ANKRD44: variants seen among roughly 807,000 people sequenced by gnomAD.
The protein encoded by ANKRD44 is serine/threonine-protein phosphatase 6 regulatory ankyrin repeat subunit B.
In ANKRD44, 35 loss-of-function variants were observed where a neutral mutation model predicts 116.0. That is an observed-to-expected ratio of 0.30 (90% CI 0.23 to 0.40). ANKRD44 has a LOEUF of 0.40. ANKRD44 is among the 10% of genes least tolerant of loss of function. The probability of loss-of-function intolerance (pLI) is 1.00; values close to 1 mark genes in which losing one functional copy is unlikely to be tolerated. For synonymous variants in ANKRD44, 435 were observed against 461.8 expected, an observed-to-expected ratio of 0.94 and a Z score of 0.74; for missense variants, 1,014 against 1,242.6, an observed-to-expected ratio of 0.82 and a Z score of 2.77.
At position 197,125,213 on chromosome 2, in the gene ANKRD44, G is replaced by A. The variant is rs118127710; in HGVS notation, c.550+168C>T. Among the ~76,000 whole-genome samples, 442 of 152,270 alleles carry A rather than the reference G, an allele frequency of 2.9e-3. 1 individual carries two copies. The highest frequency in any genetic ancestry group is 0.017 in the East Asian group (89 of 5,188). On this transcript the variant is annotated intron_variant, in intron 6 of 27. Transcript: ENST00000282272. ...TAAATATCTGACAAAGCAACTGCCCGACTGGAGTGCACTATGCATGCCAGT... is the reference window on the plus strand; with the variant it reads ...TAAATATCTGACAAAGCAACTGCCCAACTGGAGTGCACTATGCATGCCAGT...
intron 19 of ANKRD44, 76 bp downstream of exon 19, chr2:197,008,868 G>T: frequency 7.7e-7 from 1 of 1,295,968 alleles, no homozygotes; most frequent in Non-Finnish European, 1.1e-6. Context: ...AGTCAGCCTT[G>T]TAATGATTTA....
intron 1 of ANKRD44, among the ~76,000 whole-genome samples, chr2:197,252,565 C>A (rs957177218): frequency 2.0e-5 from 3 of 152,130 alleles, no homozygotes; most frequent in African/African-American, 7.2e-5. Context: ...CGCCACCACG[C>A]CCGGCTAATT....
At position 197,235,712 on chromosome 2, in the gene ANKRD44, T is replaced by C. The variant is rs576915542; in HGVS notation, c.28-48606A>G. ...ATATATAAATAATACAATACAAATATTATACAATACAAATAATACAATACA... is the reference window on the plus strand; with the variant it reads ...ATATATAAATAATACAATACAAATACTATACAATACAAATAATACAATACA... On this transcript the variant is annotated intron_variant, in intron 1 of 27. Coordinates refer to ENST00000282272, the MANE Select transcript of ANKRD44 (RefSeq NM_001195144.2). 2.6e-5 allele frequency among the ~76,000 whole-genome samples: 4 copies of C among 151,204 alleles called. No individual in the cohort carries two copies. The South Asian group carries it at 8.3e-4, about 32-fold the overall frequency.
intron 16 of ANKRD44, chr2:197,029,018 T>C (rs1367291687): frequency 1.3e-5 from 2 of 157,510 alleles, no homozygotes; most frequent in East Asian, 1.8e-4. Context: ...CTAGGGTACA[T>C]GTGCACAACG....
At chr2:197,123,232 G>A (rs576579019) in intron 6 of ANKRD44, among the ~76,000 whole-genome samples, 25 of 152,176 alleles carry the variant, frequency 1.6e-4, no homozygotes, top group African/African-American at 5.3e-4. Context: ...TAATGAGAAT[G>A]ACCCCAGATT....
chr2:197,175,641 C>T lies in ANKRD44; in HGVS notation c.111+11382G>A, dbSNP rs2080346541. ...TGCTCAAAGCAGAAAAAAGTTGCAG[C>T]AATGTGATTCCTTCAATGCTTTTTG... On this transcript the variant is annotated intron_variant, in intron 2 of 27. Coordinates refer to ENST00000282272, the MANE Select transcript of ANKRD44 (RefSeq NM_001195144.2). Among the ~76,000 whole-genome samples, 3 of 152,246 alleles carry T rather than the reference C, an allele frequency of 2.0e-5. No individual in the cohort carries two copies. The Middle Eastern group carries it at 0.01, about 518-fold the overall frequency.
rs2076046889 is a variant in ANKRD44 at position 196,998,100 on chromosome 2, T to C, written c.2748+237A>G. 3.3e-5 allele frequency among the ~76,000 whole-genome samples: 5 copies of C among 152,296 alleles called. No homozygotes were observed. The South Asian group carries it at 1.0e-3, about 32-fold the overall frequency. On this transcript the variant is annotated intron_variant, in intron 25 of 27. Transcript: ENST00000282272. ...CTACAGCAAGAATGCAAGTGGCAAA[T>C]GCCATGAAAAGCATGTCCTCAGTAT... is the stretch of plus-strand genomic sequence containing the variant.
intron 16 of ANKRD44, among the ~76,000 whole-genome samples, chr2:197,039,253 G>A (rs897598534): frequency 5.9e-5 from 9 of 152,184 alleles, no homozygotes; most frequent in Non-Finnish European, 1.5e-5. Context: ...GCTGGAAAAG[G>A]TGCCAGAGAA....
At chr2:197,184,064 C>CT (rs1187608178) in intron 2 of ANKRD44, among the ~76,000 whole-genome samples, 24 of 152,234 alleles carry the variant, frequency 1.6e-4, no homozygotes, top group Admixed American at 1.0e-3. Flanking sequence ...CATCTCACTG[C>CT]TGTGTCCCTA....
At position 197,105,332 on chromosome 2, in the gene ANKRD44, T is replaced by C. The variant is rs2078400747; in HGVS notation, c.986-5402A>G. On this transcript the variant is annotated intron_variant, in intron 9 of 27. Transcript: ENST00000282272. Reference sequence around the variant, plus strand: ...TTTTGCCATGTTGGCCAGGCTAGTCTCTAATGCTGACCTCAAGCAATCCAC... The same window carrying C: ...TTTTGCCATGTTGGCCAGGCTAGTCCCTAATGCTGACCTCAAGCAATCCAC... Among the ~76,000 whole-genome samples, 3 of 152,184 alleles carry C rather than the reference T, an allele frequency of 2.0e-5. No individual in the cohort carries two copies. In the South Asian group the frequency reaches 6.2e-4, roughly 32 times the overall value.
intron 8 of ANKRD44, among the ~76,000 whole-genome samples, chr2:197,112,857 T>C (rs780659416): frequency 1.1e-4 from 17 of 152,022 alleles, no homozygotes; most frequent in Non-Finnish European, 2.2e-4. Context: ...AAATAGGTTA[T>C]AAAACCAAGG....
In ANKRD44 at chr2:197,308,152, GACAC is replaced by G. The variant is rs368196906; in HGVS notation, c.27+2422_27+2425del. 1.2e-3 allele frequency among the ~76,000 whole-genome samples: 179 copies of G among 143,844 alleles called. 9 individuals carry two copies. The highest frequency in any genetic ancestry group is 3.5e-3 in the Middle Eastern group (1 of 286). 94.4% of individuals were successfully genotyped at this position (143,844 alleles called of 152,430 possible). ...TACTATCGAGTCAGAGTGAGACCCT[GACAC>G]ACACACACACACACACAAAAAAAAA... On this transcript the variant is annotated intron_variant, in intron 1 of 27. Coordinates refer to ENST00000282272, the MANE Select transcript of ANKRD44 (RefSeq NM_001195144.2).
intron 3 of ANKRD44, among the ~76,000 whole-genome samples, chr2:197,146,731 A>G (rs1376438164): frequency 6.6e-6 from 1 of 150,556 alleles, no homozygotes; most frequent in African/African-American, 2.5e-5. Context: ...TTCCTTTTGT[A>G]TAATAAAAAA....
chr2:197,279,339 A>T (rs966786504), intron 1 of ANKRD44, among the ~76,000 whole-genome samples: 1 of 152,200 alleles, frequency 6.6e-6, no homozygotes, highest in Non-Finnish European at 1.5e-5. Context: ...TCCAGGCAGT[A>T]AACAAGCCAT....
At chr2:197,030,353 G>A (rs1043022080) in intron 16 of ANKRD44, among the ~76,000 whole-genome samples, 6 of 152,216 alleles carry the variant, frequency 3.9e-5, no homozygotes, top group African/African-American at 1.4e-4. Context: ...CCAATGGTGA[G>A]CACAGTCATG....
intron 16 of ANKRD44, among the ~76,000 whole-genome samples, chr2:197,054,645 C>T (rs781268068): frequency 2.6e-5 from 4 of 152,212 alleles, no homozygotes; most frequent in Non-Finnish European, 4.4e-5. Flanking sequence ...TAAGTGATCT[C>T]GTCCACTAGC....
At chr2:197,042,483 C>T (rs1055418789) in intron 16 of ANKRD44, among the ~76,000 whole-genome samples, 4 of 150,062 alleles carry the variant, frequency 2.7e-5, no homozygotes, top group Non-Finnish European at 4.4e-5. Context: ...CATTCCACAT[C>T]TGCCCCCTCC....
intron 1 of ANKRD44, among the ~76,000 whole-genome samples, chr2:197,238,623 G>C (rs372748739): frequency 6.6e-6 from 1 of 152,090 alleles, no homozygotes; most frequent in East Asian, 1.9e-4. Context: ...TTTCTCCCTC[G>C]TTGTAAACAA....
chr2:197,044,517 C>A (rs1171676198), intron 16 of ANKRD44, among the ~76,000 whole-genome samples: 1 of 152,048 alleles, frequency 6.6e-6, no homozygotes, highest in Non-Finnish European at 1.5e-5. Flanking sequence ...GCCTACCACA[C>A]ATACAGCTAA....
Sources: allele counts gnomAD v4.1 joint callset (sites outside exome capture counted in the v4.1 genomes callset), GRCh38; gene constraint gnomAD v4.1.1; transcripts MANE v1.5; gene names NCBI Gene and HGNC (gene_info 2026-07-23, HGNC 2026-07-21).